Variants in MAGI3 observed in about 807,000 individuals in gnomAD.
MAGI3 encodes the protein membrane-associated guanylate kinase, WW and PDZ domain-containing protein 3.
In MAGI3, 43 loss-of-function variants were observed where a neutral mutation model predicts 121.8. The observed-to-expected ratio is 0.35, with a 90% confidence interval of 0.28 to 0.46. The LOEUF is 0.46. Ranked by LOEUF, MAGI3 falls within the 20% of genes least tolerant of loss-of-function variation. The probability of loss-of-function intolerance (pLI) is 1.00; values close to 1 mark genes in which losing one functional copy is unlikely to be tolerated. For synonymous variants in MAGI3, 553 were observed against 639.3 expected (o/e 0.86, Z 2.04); for missense variants, 1,547 against 1,797.3 (o/e 0.86, Z 2.52).
At chr1:113,638,019 C>A (rs1652159926) in intron 9 of MAGI3, among the ~76,000 whole-genome samples, 1 of 152,256 alleles carries the variant, frequency 6.6e-6, no homozygotes, top group South Asian at 2.1e-4. Flanking sequence ...CAGTTGATCG[C>A]ATCGGCTCCT....
Position 113,585,565 on chromosome 1 carries a change from C to A in MAGI3, c.732C>A (p.Asp244Glu). The change falls in exon 4 of 21, where the codon GAC (aspartate) becomes GAA (glutamate). Residue 244 changes from aspartate (D) to glutamate (E), a missense_variant. Asp to Glu is a conservative substitution (Grantham distance 45). Coordinates refer to ENST00000307546, the MANE Select transcript of MAGI3 (RefSeq NM_001142782.2). ...SSLPEEEEDE[D>E]KEAINGSGNA... is the part of the protein sequence containing the mutation. ...TTCCTGAAGAGGAAGAAGATGAGGA[C>A]AAGGAAGCTATTAATGGCAGTGGAA... 6.2e-7 allele frequency: 1 copy of A among 1,613,972 alleles called. No homozygotes were observed. Among genetic ancestry groups the A allele is most frequent in the Non-Finnish European group, 8.5e-7 (1 of 1,179,960 alleles).
intron 1 of MAGI3, among the ~76,000 whole-genome samples, chr1:113,399,602 G>A (rs557913809): frequency 1.3e-5 from 2 of 151,956 alleles, no homozygotes; most frequent in East Asian, 3.9e-4. Flanking sequence ...ATAAAAAATT[G>A]CTTTTATTTA....
chr1:113,495,089 A>G (rs1211586447), intron 1 of MAGI3, among the ~76,000 whole-genome samples: 1 of 152,146 alleles, frequency 6.6e-6, no homozygotes, highest in Non-Finnish European at 1.5e-5. Context: ...CTTTTAGACT[A>G]TGTTGTCGGC....
intron 20 of MAGI3, chr1:113,682,574 G>T: frequency 8.2e-7 from 1 of 1,216,224 alleles, no homozygotes. Flanking sequence ...CACGTAATTT[G>T]GTTCAGCTTT....
rs1650747142 is a variant in MAGI3, at chr1:113,390,886, G to A, written c.-148G>A. 1.5e-5 allele frequency: 6 copies of A among 408,148 alleles called. No individual in the cohort carries two copies. Among genetic ancestry groups the A allele is most frequent in the Non-Finnish European group, 2.3e-5 (6 of 261,474 alleles). The allele number at this position is 408,148 out of a possible 1,614,324, so 25.3% of individuals were successfully genotyped here. On this transcript the variant is annotated 5_prime_UTR_variant, in exon 1 of 21. Coordinates refer to ENST00000307546, the MANE Select transcript of MAGI3 (RefSeq NM_001142782.2). ...GTCTGGGAACGGCCGGGCCCCCAGCGGGCTGTGGTCGCGGGGTGGGGGCCG... is the reference window on the plus strand; with the variant it reads ...GTCTGGGAACGGCCGGGCCCCCAGCAGGCTGTGGTCGCGGGGTGGGGGCCG...
intron 6 of MAGI3, 122 bp from the exon 7 acceptor site, chr1:113,614,479 A>G (rs1650338659): frequency 2.7e-6 from 2 of 752,324 alleles, no homozygotes; most frequent in Non-Finnish European, 4.6e-6. Context: ...GTTCCTTGAA[A>G]GTGAGCCCTC....
intron 1 of MAGI3, among the ~76,000 whole-genome samples, chr1:113,436,743 T>C (rs894838754): frequency 1.3e-4 from 20 of 152,184 alleles, no homozygotes; most frequent in African/African-American, 2.6e-4. Flanking sequence ...GCACAACTTA[T>C]ATTAAAGTGA....
chr1:113,615,673 G>A lies in MAGI3; in HGVS notation c.1076+1015G>A, dbSNP rs1473595967. On this transcript the variant is annotated intron_variant, in intron 7 of 20. Transcript: ENST00000307546. ...TTGGAATGACTTCTTAAAATTAAAT[G>A]TGTCTCCTAAGGAAATGACTCAATT... is the stretch of plus-strand genomic sequence containing the variant. Among the ~76,000 whole-genome samples, 3 of 152,030 alleles carry A rather than the reference G, an allele frequency of 2.0e-5. No individual in the cohort carries two copies. The South Asian group carries it at 6.2e-4, about 32-fold the overall frequency.
chr1:113,416,416 ATAAT>A (rs1315166604), intron 1 of MAGI3, among the ~76,000 whole-genome samples: 2 of 110,618 alleles, frequency 1.8e-5, no homozygotes, highest in East Asian at 2.3e-4. Context: ...TTAATAATTA[ATAAT>A]TAATAATATA....
intron 1 of MAGI3, among the ~76,000 whole-genome samples, chr1:113,470,544 AT>A (rs1231871982): frequency 6.6e-6 from 1 of 152,174 alleles, no homozygotes; most frequent in East Asian, 1.9e-4. Flanking sequence ...TTAAAAAAAA[AT>A]TGAGAACATT....
chr1:113,523,252 G>A lies in MAGI3; in HGVS notation c.317-26263G>A, dbSNP rs371098951. 1.3e-4 allele frequency among the ~76,000 whole-genome samples: 20 copies of A among 152,254 alleles called. 1 individual carries two copies. The highest frequency in any genetic ancestry group is 8.5e-4 in the Admixed American group (13 of 15,296). ...CCCAGTCTCTGGTATGTCTTTATCA[G>A]GAGCATCAAAATGGACTAATACAGT... On this transcript the variant is annotated intron_variant, in intron 1 of 20. Coordinates refer to ENST00000307546, the MANE Select transcript of MAGI3 (RefSeq NM_001142782.2).
chr1:113,427,620 G>A (rs1326411569), intron 1 of MAGI3, among the ~76,000 whole-genome samples: 2 of 152,138 alleles, frequency 1.3e-5, no homozygotes, highest in Non-Finnish European at 2.9e-5. Flanking sequence ...TTAGTTTGCT[G>A]TCCTCTTACT....
At chr1:113,660,616 ATT>A (rs11363456) in intron 16 of MAGI3, among the ~76,000 whole-genome samples, 392 of 129,268 alleles carry the variant, frequency 3.0e-3, no homozygotes, top group Middle Eastern at 0.011. Flanking sequence ...GATGCTCAGC[ATT>A]TTTTTTTTTT....
chr1:113,659,347 T>C, intron 16 of MAGI3, 82 bp downstream of exon 16: 2 of 1,361,360 alleles, frequency 1.5e-6, no homozygotes, highest in Non-Finnish European at 2.0e-6. Flanking sequence ...CCTCCAGCAC[T>C]GCCAGAATCA....
intron 9 of MAGI3, among the ~76,000 whole-genome samples, chr1:113,629,588 A>G (rs549198663): frequency 2.0e-5 from 3 of 152,116 alleles, no homozygotes; most frequent in African/African-American, 7.2e-5. Flanking sequence ...CAGGTATTCG[A>G]AGGGACCTAG....
intron 1 of MAGI3, among the ~76,000 whole-genome samples, chr1:113,436,683 TC>T (rs2101439404): frequency 6.6e-6 from 1 of 152,056 alleles, no homozygotes; most frequent in African/African-American, 2.4e-5. Context: ...TGAATAAACA[TC>T]ATTTTTTTTT....
intron 1 of MAGI3, among the ~76,000 whole-genome samples, chr1:113,484,582 T>G (rs1656259362): frequency 6.6e-6 from 1 of 151,826 alleles, no homozygotes. Flanking sequence ...CATTATTTCA[T>G]TATTTTTTAT....
intron 1 of MAGI3, among the ~76,000 whole-genome samples, chr1:113,400,253 A>G (rs533324338): frequency 6.6e-6 from 1 of 152,208 alleles, no homozygotes; most frequent in East Asian, 1.9e-4. Flanking sequence ...TACTATTTTT[A>G]TATTCTATTA....
At chr1:113,458,423 G>C (rs926480572) in intron 1 of MAGI3, among the ~76,000 whole-genome samples, 13 of 152,122 alleles carry the variant, frequency 8.5e-5, no homozygotes, top group African/African-American at 3.1e-4. Context: ...TTTTGGCTGT[G>C]TTAACTCTCA....
Sources: allele counts gnomAD v4.1 joint callset (sites outside exome capture counted in the v4.1 genomes callset), GRCh38; gene constraint gnomAD v4.1.1; transcripts MANE v1.5; gene names NCBI Gene and HGNC (gene_info 2026-07-23, HGNC 2026-07-21).